INTS6: variants seen among roughly 807,000 people sequenced by gnomAD.
INTS6 encodes integrator complex subunit 6, also known as DEAD box protein.
Under a neutral mutation model 104.9 loss-of-function variants are expected in INTS6, and 16 were observed. That is an observed-to-expected ratio of 0.15 (90% CI 0.10 to 0.23). INTS6 has a LOEUF of 0.23. INTS6 is among the 10% of genes least tolerant of loss of function. The pLI, the probability that INTS6 is intolerant of heterozygous loss-of-function variation, is 1.00. For missense variants in INTS6, 584 were observed against 1,062.8 expected, an observed-to-expected ratio of 0.55 and a Z score of 6.26; for synonymous variants, 324 against 358.7, an observed-to-expected ratio of 0.90 and a Z score of 1.09.
At chr13:51,398,705 CTCA>C (rs911218755) in intron 4 of INTS6, among the ~76,000 whole-genome samples, 31 of 149,502 alleles carry the variant, frequency 2.1e-4, no homozygotes, top group African/African-American at 7.2e-4. Context: ...TAGAAGAACT[CTCA>C]TATTATTTGT....
chr13:51,387,716 T>C (rs2137937364), intron 6 of INTS6, among the ~76,000 whole-genome samples, 176 bp from the exon 7 acceptor site: 1 of 152,322 alleles, frequency 6.6e-6, no homozygotes, highest in East Asian at 1.9e-4. Context: ...TTAGACTAGA[T>C]TGTAATTCAT....
At chr13:51,423,747 T>TA (rs910971366) in intron 4 of INTS6, among the ~76,000 whole-genome samples, 9 of 152,042 alleles carry the variant, frequency 5.9e-5, no homozygotes, top group Non-Finnish European at 1.2e-4. Flanking sequence ...ATTTTTATCC[T>TA]AAAAAAATAC....
At chr13:51,373,880 T>A (rs1458260123) in intron 15 of INTS6, among the ~76,000 whole-genome samples, 1 of 152,230 alleles carries the variant, frequency 6.6e-6, no homozygotes, top group Admixed American at 6.5e-5. Flanking sequence ...ATAGCATACA[T>A]ATTTAATAAT....
chr13:51,341,436 C>T, the INTS6 span: 1 of 1,237,586 alleles, frequency 8.1e-7, no homozygotes, highest in African/African-American at 1.5e-5. Context: ...CACTCACACT[C>T]ACTCTCTCCA....
rs1333128808 is a variant in INTS6, at chr13:51,452,544, CG to C, written c.-20del. ...TGGGCATAGTGCTGGCCGGGGACAC[CG>C]GGGCCCGAGGTGGTGGAGAAAGAGG... is the stretch of plus-strand genomic sequence containing the variant. On this transcript the variant is annotated 5_prime_UTR_variant, in exon 1 of 18. Coordinates refer to ENST00000311234, the MANE Select transcript of INTS6 (RefSeq NM_012141.3). The surrounding 1 kb of genome is among the most constrained non-coding windows in gnomAD (Gnocchi z 4.2). The C allele has an allele frequency of 3.9e-5, 62 of 1,607,810 alleles. No individual in the cohort carries two copies. The highest frequency in any genetic ancestry group is 5.1e-5 in the Non-Finnish European group (60 of 1,176,430).
At chr13:51,420,747 T>G (rs1255435581) in intron 4 of INTS6, among the ~76,000 whole-genome samples, 3 of 146,064 alleles carry the variant, frequency 2.1e-5, no homozygotes, top group African/African-American at 7.6e-5. Context: ...AATACCTTGC[T>G]AGCTAAATTA....
downstream of INTS6, among the ~76,000 whole-genome samples, chr13:51,353,646 G>T (rs1461192426): frequency 6.6e-6 from 1 of 152,092 alleles, no homozygotes; most frequent in African/African-American, 2.4e-5. Flanking sequence ...AAAGTTTTTT[G>T]GAGAAATGTC....
intron 5 of INTS6, among the ~76,000 whole-genome samples, chr13:51,394,715 T>C (rs956534740): frequency 6.6e-6 from 1 of 152,158 alleles, no homozygotes; most frequent in Non-Finnish European, 1.5e-5. Context: ...ACGCAATACA[T>C]ACCTATATGA....
At chr13:51,361,145 C>T (rs949764438), downstream of INTS6, 23 of 556,640 alleles carry the variant, frequency 4.1e-5, no homozygotes, top group Middle Eastern at 4.0e-4. Flanking sequence ...GAATTTTCCA[C>T]TCTTTCCCTA....
At position 51,368,987 on chromosome 13, in the gene INTS6, T is replaced by C. The variant is rs781042319; in HGVS notation, c.2428A>G (p.Thr810Ala). 3 of 1,613,420 alleles carry C rather than the reference T, an allele frequency of 1.9e-6. No homozygotes were observed. Among genetic ancestry groups the C allele is most frequent in the Non-Finnish European group, 2.5e-6 (3 of 1,179,676 alleles). ...TTCATTATTTGTGCTTTTAGTTCAG[T>C]ATTGACCTCTTCATGGCTTCTGCAA... ...MHCRSHEEVN[T>A]ELKAQIMKEI... Residue 810 changes from threonine to alanine, a missense_variant, in exon 16 of 18, where the codon ACT becomes GCT. Around this residue, in one of 5 missense-constraint regions of INTS6, gnomAD observed 296 missense variants for 437.0 expected, o/e 0.68. Transcript: ENST00000311234.
intron 4 of INTS6, among the ~76,000 whole-genome samples, chr13:51,404,629 G>T (rs1956524157): frequency 6.6e-6 from 1 of 152,148 alleles, no homozygotes; most frequent in Non-Finnish European, 1.5e-5. Flanking sequence ...TACTTCCACT[G>T]AGGCCCACAT....
At chr13:51,435,224 C>T (rs1467736364) in intron 3 of INTS6, among the ~76,000 whole-genome samples, 3 of 151,948 alleles carry the variant, frequency 2.0e-5, no homozygotes, top group East Asian at 3.8e-4. Context: ...AATAAATTCA[C>T]GTTTTACTCT....
At chr13:51,381,282 T>C (rs1338748632) in intron 10 of INTS6, among the ~76,000 whole-genome samples, 1 of 152,206 alleles carries the variant, frequency 6.6e-6, no homozygotes, top group Non-Finnish European at 1.5e-5. Context: ...AAAACTGTAA[T>C]TTTAAAAGGT....
intron 4 of INTS6, among the ~76,000 whole-genome samples, chr13:51,426,011 T>G (rs1956978420): frequency 1.3e-5 from 2 of 151,942 alleles, no homozygotes; most frequent in African/African-American, 4.8e-5. Flanking sequence ...TCAATCCAAG[T>G]AATCATCAGA....
chr13:51,423,602 T>G (rs1348008067), intron 4 of INTS6, among the ~76,000 whole-genome samples: 1 of 152,072 alleles, frequency 6.6e-6, no homozygotes, highest in African/African-American at 2.4e-5. Context: ...AGTTAATTTT[T>G]GGGGGCTATT....
At chr13:51,423,280 A>G (rs1176850158) in intron 4 of INTS6, among the ~76,000 whole-genome samples, 1 of 152,070 alleles carries the variant, frequency 6.6e-6, no homozygotes, top group African/African-American at 2.4e-5. Flanking sequence ...AATTAAGTGT[A>G]ACTATCACCA....
At chr13:51,429,349 GAGC>G (rs772782707) in intron 4 of INTS6, among the ~76,000 whole-genome samples, 3 of 152,014 alleles carry the variant, frequency 2.0e-5, no homozygotes, top group Admixed American at 6.6e-5. Context: ...CCATGTTAAA[GAGC>G]AGTTCAAATA....
chr13:51,450,658 A>AATAT (rs1953021648), intron 3 of INTS6: 3 of 991,100 alleles, frequency 3.0e-6, no homozygotes, highest in Middle Eastern at 1.0e-3. Flanking sequence ...TATAGAAACG[A>AATAT]AGAACACGAA....
intron 4 of INTS6, among the ~76,000 whole-genome samples, chr13:51,426,894 T>C (rs534517067): frequency 1.3e-5 from 2 of 152,258 alleles, no homozygotes; most frequent in South Asian, 2.1e-4. Context: ...GGTGCTGGAA[T>C]GTCTTTGGAA....
Sources: allele counts gnomAD v4.1 joint callset (sites outside exome capture counted in the v4.1 genomes callset), GRCh38; gene constraint gnomAD v4.1.1; regional missense constraint gnomAD v4.1.1; non-coding constraint Gnocchi (gnomAD v3.1); transcripts MANE v1.5; gene names NCBI Gene and HGNC (gene_info 2026-07-23, HGNC 2026-07-21).